Variants in SVIL observed in about 807,000 individuals in gnomAD.
SVIL encodes supervillin.
SVIL carries 101 observed loss-of-function variants against 240.4 expected under a neutral mutation model. That is an observed-to-expected ratio of 0.42 (90% CI 0.36 to 0.50). The LOEUF (loss-of-function observed/expected upper bound fraction) is 0.50. SVIL is among the 20% of genes least tolerant of loss of function. SVIL has a pLI of 0.01. For synonymous variants in SVIL, 999 were observed against 1,100.0 expected (o/e 0.91, Z 1.82); for missense variants, 2,512 against 2,818.7 (o/e 0.89, Z 2.46).
At chr10:29,595,600 AC>A (rs1202673485) in intron 1 of SVIL, among the ~76,000 whole-genome samples, 4 of 152,234 alleles carry the variant, frequency 2.6e-5, no homozygotes, top group African/African-American at 9.6e-5. Flanking sequence ...TAAATATGAA[AC>A]AAAATAGCTT....
chr10:29,547,070 T>C (rs1213567738), intron 6 of SVIL, among the ~76,000 whole-genome samples: 2 of 152,198 alleles, frequency 1.3e-5, no homozygotes, highest in African/African-American at 4.8e-5. Context: ...GTTTCTTTTG[T>C]TACTGTTTTG....
intron 29 of SVIL, among the ~76,000 whole-genome samples, chr10:29,477,478 A>T (rs1196254456): frequency 6.6e-6 from 1 of 152,200 alleles, no homozygotes; most frequent in Non-Finnish European, 1.5e-5. Flanking sequence ...CAGGCCGGCC[A>T]GCATTGGCCA....
chr10:29,714,990 AGAAG>A (rs996151554), intron 1 of SVIL, among the ~76,000 whole-genome samples: 5 of 151,268 alleles, frequency 3.3e-5, no homozygotes, highest in Middle Eastern at 3.2e-3. Flanking sequence ...AAGAAAAAAG[AGAAG>A]GAAGGAAGGA....
At chr10:29,662,829 G>A (rs1959173984) in intron 2 of SVIL, among the ~76,000 whole-genome samples, 1 of 152,160 alleles carries the variant, frequency 6.6e-6, no homozygotes, top group South Asian at 2.1e-4. Context: ...ACAAATAATA[G>A]GCCAGGTGCA....
chr10:29,625,383 T>C (rs746484413), intron 1 of SVIL, among the ~76,000 whole-genome samples: 1 of 152,204 alleles, frequency 6.6e-6, no homozygotes, highest in Non-Finnish European at 1.5e-5. Context: ...AATGTTATGA[T>C]AGCAGAGAAA....
intron 17 of SVIL, 147 bp downstream of exon 17, chr10:29,512,588 C>G: frequency 7.4e-7 from 1 of 1,357,280 alleles, no homozygotes; most frequent in Non-Finnish European, 1.0e-6. Flanking sequence ...TTTAGCTGCT[C>G]TGTGACAGAC....
At chr10:29,561,651 G>A (rs1173236281) in intron 3 of SVIL, among the ~76,000 whole-genome samples, 4 of 150,580 alleles carry the variant, frequency 2.7e-5, no homozygotes, top group Non-Finnish European at 4.4e-5. Flanking sequence ...TCTGACAGCC[G>A]TTCCATGCCC....
chr10:29,526,593 G>T (rs567102748), intron 13 of SVIL, among the ~76,000 whole-genome samples: 462 of 152,154 alleles, frequency 3.0e-3, no homozygotes, highest in African/African-American at 0.01. Context: ...ATGAGCCACC[G>T]CGCCTGGCCA....
chr10:29,597,601 T>C (rs1218087362), intron 1 of SVIL, among the ~76,000 whole-genome samples: 1 of 152,020 alleles, frequency 6.6e-6, no homozygotes, highest in African/African-American at 2.4e-5. Flanking sequence ...GTTTTTGCCA[T>C]GTTGGCCAGG....
intron 1 of SVIL, among the ~76,000 whole-genome samples, chr10:29,706,533 T>C (rs1962902223): frequency 6.6e-6 from 1 of 152,218 alleles, no homozygotes; most frequent in Non-Finnish European, 1.5e-5. Flanking sequence ...TTTAAGTTCC[T>C]TGCAGATTTT....
Position 29,551,392 on chromosome 10 carries a change from G to A in SVIL, c.161-129C>T, listed in dbSNP as rs1247118265. On this transcript the variant is annotated intron_variant, in intron 5 of 37. Coordinates refer to ENST00000355867, the MANE Select transcript of SVIL (RefSeq NM_021738.3). ...TGCTGTGAAGGACCAGTTTCTCACC[G>A]AGGTGTGTTTGCCTAAACTGATTAT... 10 of 896,686 alleles carry A rather than the reference G, an allele frequency of 1.1e-5. No individual in the cohort carries two copies. In the South Asian group the frequency reaches 1.3e-4, roughly 11 times the overall value. 55.5% of individuals were successfully genotyped at this position (896,686 alleles called of 1,614,324 possible). A position where few individuals can be genotyped will look rare whatever the true frequency, so the allele number is the denominator to read the frequency against.
intron 1 of SVIL, among the ~76,000 whole-genome samples, chr10:29,571,892 G>A (rs1955438376): frequency 1.3e-5 from 2 of 152,138 alleles, no homozygotes; most frequent in South Asian, 2.1e-4. Context: ...TGGGATCTTG[G>A]GGAGGCGGGA....
chr10:29,650,081 T>G (rs1417400514), intron 3 of SVIL, among the ~76,000 whole-genome samples: 1 of 152,174 alleles, frequency 6.6e-6, no homozygotes, highest in Non-Finnish European at 1.5e-5. Flanking sequence ...CCAAATAAAC[T>G]TTTATTGTTT....
intron 1 of SVIL, among the ~76,000 whole-genome samples, chr10:29,716,914 T>C (rs7089380): frequency 0.19 from 29,510 of 152,172 alleles, 3,551 homozygotes; most frequent in African/African-American, 0.34. Flanking sequence ...GAATGCTTGC[T>C]GAAGCAAGAA....
intron 3 of SVIL, among the ~76,000 whole-genome samples, chr10:29,557,459 A>T (rs2026668): frequency 0.54 from 82,521 of 151,956 alleles, 23,149 homozygotes; most frequent in African/African-American, 0.7. Flanking sequence ...ACCGTTAATA[A>T]ACCGAGTATC....
chr10:29,690,140 A>G (rs1961391906), intron 1 of SVIL, among the ~76,000 whole-genome samples: 1 of 152,214 alleles, frequency 6.6e-6, no homozygotes, highest in African/African-American at 2.4e-5. Context: ...TGTGATATAA[A>G]AAGTACCAAA....
chr10:29,647,402 G>C (rs774881216), intron 3 of SVIL: 7 of 151,758 alleles, frequency 4.6e-5, no homozygotes, highest in Non-Finnish European at 1.0e-4. Context: ...ATTTATTCTA[G>C]GGCCAGGATT....
chr10:29,639,482 T>C (rs1958415799), upstream of SVIL, among the ~76,000 whole-genome samples: 1 of 151,146 alleles, frequency 6.6e-6, no homozygotes, highest in African/African-American at 2.4e-5. Flanking sequence ...TTTTTTTTTT[T>C]TTTTGAGATG....
chr10:29,547,489 C>G (rs992810005), intron 6 of SVIL, among the ~76,000 whole-genome samples: 1 of 152,118 alleles, frequency 6.6e-6, no homozygotes, highest in East Asian at 1.9e-4. Context: ...GAGGCTAAGG[C>G]TTGGCTTATG....
Sources: gnomAD v4.1 joint callset for allele counts (sites outside exome capture counted in the v4.1 genomes callset) on GRCh38, gnomAD v4.1.1 for gene constraint, MANE v1.5 for transcripts, NCBI Gene and HGNC (gene_info 2026-07-23, HGNC 2026-07-21) for gene names.